Variants in NCOA1 observed in about 807,000 individuals in gnomAD.
The protein encoded by NCOA1 is nuclear receptor coactivator 1, also known as Hin-2 protein.
In NCOA1, 35 loss-of-function variants were observed where a neutral mutation model predicts 150.9. That is an observed-to-expected ratio of 0.23 (90% CI 0.18 to 0.31). The LOEUF is 0.31. Ranked by LOEUF, NCOA1 falls within the 10% of genes least tolerant of loss-of-function variation. The pLI, the probability that NCOA1 is intolerant of heterozygous loss-of-function variation, is 1.00. For missense variants in NCOA1, 1,491 were observed against 1,749.3 expected (o/e 0.85, Z 2.63); for synonymous variants, 590 against 630.0 (o/e 0.94, Z 0.95).
chr2:24,591,423 T>G (rs1667652773), intron 3 of NCOA1, among the ~76,000 whole-genome samples: 2 of 152,198 alleles, frequency 1.3e-5, no homozygotes, highest in Non-Finnish European at 2.9e-5. Context: ...TGTATCTTTC[T>G]TATAGATTGT....
chr2:24,581,031 A>T (rs1464708159), intron 2 of NCOA1, among the ~76,000 whole-genome samples: 1 of 152,158 alleles, frequency 6.6e-6, no homozygotes, highest in East Asian at 1.9e-4. Flanking sequence ...CACTCAATTT[A>T]GGGAGAGATT....
intron 17 of NCOA1, among the ~76,000 whole-genome samples, chr2:24,733,869 C>A (rs191280676): frequency 4.5e-4 from 68 of 151,952 alleles, no homozygotes; most frequent in African/African-American, 1.6e-3. Flanking sequence ...AATGGCAATT[C>A]TTTTTACTAG....
intron 14 of NCOA1, among the ~76,000 whole-genome samples, chr2:24,723,403 T>C (rs189205283): frequency 5.9e-5 from 9 of 152,332 alleles, no homozygotes; most frequent in Admixed American, 5.9e-4. Context: ...AATAATCTTA[T>C]GTAGAGATAA....
At chr2:24,718,231 A>G (rs1674157726) in intron 14 of NCOA1, among the ~76,000 whole-genome samples, 1 of 152,198 alleles carries the variant, frequency 6.6e-6, no homozygotes, top group Non-Finnish European at 1.5e-5. Context: ...CATCAAGGAA[A>G]TGCAAATTAA....
At chr2:24,602,504 G>GT (rs371990546) in intron 3 of NCOA1, among the ~76,000 whole-genome samples, 1 of 152,288 alleles carries the variant, frequency 6.6e-6, no homozygotes, top group African/African-American at 2.4e-5. Context: ...CCTGGCAACA[G>GT]TAAGGTTTTA....
chr2:24,703,791 T>C (rs1359392459), intron 11 of NCOA1, among the ~76,000 whole-genome samples: 1 of 152,186 alleles, frequency 6.6e-6, no homozygotes, highest in Non-Finnish European at 1.5e-5. Context: ...TATTTATTAA[T>C]TGGTAATTTT....
chr2:24,768,175 G>C (rs1291585198), intron 22 of NCOA1, 46 bp from the exon 23 acceptor site: 3 of 1,613,472 alleles, frequency 1.9e-6, no homozygotes, highest in Admixed American at 1.7e-5. Context: ...CATAAGCCGG[G>C]GGGGCAGACC....
At chr2:24,653,644 C>A (rs1572546479) in intron 4 of NCOA1, among the ~76,000 whole-genome samples, 1 of 152,004 alleles carries the variant, frequency 6.6e-6, no homozygotes, top group East Asian at 1.9e-4. Flanking sequence ...AGTTCACAAT[C>A]CCAAAAGGGA....
At chr2:24,616,578 T>A (rs926415045) in intron 3 of NCOA1, among the ~76,000 whole-genome samples, 1 of 152,172 alleles carries the variant, frequency 6.6e-6, no homozygotes, top group African/African-American at 2.4e-5. Flanking sequence ...AGTTGGTCTT[T>A]AAAAATACCC....
At chr2:24,738,658 C>T (rs1663449532) in intron 17 of NCOA1, among the ~76,000 whole-genome samples, 1 of 152,068 alleles carries the variant, frequency 6.6e-6, no homozygotes, top group African/African-American at 2.4e-5. Flanking sequence ...TGCTTTTGGC[C>T]AATTAAAGGC....
At chr2:24,634,708 A>AC (rs530645429) in intron 3 of NCOA1, among the ~76,000 whole-genome samples, 503 of 39,728 alleles carry the variant, frequency 0.013, 16 homozygotes, top group African/African-American at 0.028. Context: ...TAGGGGAGGA[A>AC]CCCCCCCCCC....
intron 3 of NCOA1, among the ~76,000 whole-genome samples, chr2:24,623,091 C>G (rs376147236): frequency 1.3e-5 from 2 of 152,150 alleles, no homozygotes; most frequent in South Asian, 4.1e-4. Flanking sequence ...AAGCGGAGGA[C>G]AACCAGTATA....
chr2:24,558,044 C>G (rs1280892655), intron 1 of NCOA1, among the ~76,000 whole-genome samples: 2 of 151,268 alleles, frequency 1.3e-5, no homozygotes, highest in Non-Finnish European at 2.9e-5. Flanking sequence ...TGGCCATGAT[C>G]TCTTCCATAT....
intron 2 of NCOA1, among the ~76,000 whole-genome samples, chr2:24,573,459 C>A (rs115376045): frequency 0.014 from 2,123 of 152,116 alleles, 51 homozygotes; most frequent in African/African-American, 0.049. Context: ...GGTACAAAAT[C>A]GAGAATCTCT....
At chr2:24,617,418 G>A (rs1668920268) in intron 3 of NCOA1, among the ~76,000 whole-genome samples, 1 of 152,074 alleles carries the variant, frequency 6.6e-6, no homozygotes, top group South Asian at 2.1e-4. Flanking sequence ...TCTTCCAGCT[G>A]TAACAGTGTC....
intron 14 of NCOA1, among the ~76,000 whole-genome samples, chr2:24,720,836 C>G (rs1288856347): frequency 6.6e-6 from 1 of 152,186 alleles, no homozygotes. Flanking sequence ...CTACTAGAAC[C>G]AGAGTCTATT....
chr2:24,526,078 A>G (rs973393553), intron 1 of NCOA1, among the ~76,000 whole-genome samples: 2 of 152,018 alleles, frequency 1.3e-5, no homozygotes, highest in African/African-American at 2.4e-5. Flanking sequence ...TTCCTGGCCT[A>G]ATTGTTTCTT....
chr2:24,534,778 C>T (rs564365509), intron 1 of NCOA1, among the ~76,000 whole-genome samples: 2 of 152,236 alleles, frequency 1.3e-5, no homozygotes, highest in East Asian at 3.9e-4. Flanking sequence ...TTTCTTAATC[C>T]TGAGTTCTAA....
chr2:24,523,265 T>C (rs977431008), intron 1 of NCOA1, among the ~76,000 whole-genome samples: 2 of 152,148 alleles, frequency 1.3e-5, no homozygotes, highest in African/African-American at 2.4e-5. Context: ...TAGATTGTTA[T>C]TATTAGAGTC....
Sources: gnomAD v4.1 joint callset for allele counts (sites outside exome capture counted in the v4.1 genomes callset) on GRCh38, gnomAD v4.1.1 for gene constraint, MANE v1.5 for transcripts, NCBI Gene and HGNC (gene_info 2026-07-23, HGNC 2026-07-21) for gene names.